PSME4: variants seen among roughly 807,000 people sequenced by gnomAD.
The protein encoded by PSME4 is proteasome activator subunit 4, also known as proteasome activator complex subunit 4.
A neutral mutation model predicts 253.9 loss-of-function variants in PSME4; 89 were observed. The ratio of observed to expected loss-of-function variants is 0.35; its 90% confidence interval spans 0.30 to 0.42. PSME4 has a LOEUF of 0.42. Ranked by LOEUF, PSME4 falls within the 10% of genes least tolerant of loss-of-function variation. PSME4 has a pLI of 1.00. For missense variants in PSME4, 2,014 were observed against 2,195.2 expected (o/e 0.92, Z 1.65); for synonymous variants, 851 against 759.2 (o/e 1.12, Z -1.99).
chr2:53,970,757 C>G lies in PSME4; in HGVS notation c.28G>C (p.Gly10Arg). The G allele has an allele frequency of 6.5e-7, 1 of 1,544,200 alleles. No individual in the cohort carries two copies. The highest frequency in any genetic ancestry group is 2.2e-4 in the Middle Eastern group (1 of 4,608). The change falls in exon 1 of 47, where the codon GGA (glycine) becomes CGA (arginine). Residue 10 changes from glycine to arginine, a missense_variant. This residue lies in a region of PSME4 where 615 missense variants were observed against 594.4 expected (regional missense o/e 1.03). Coordinates refer to ENST00000404125, the MANE Select transcript of PSME4 (RefSeq NM_014614.3). The stretch of plus-strand genomic sequence containing the variant: ...CGCCCGCCCGGCTCCGGGGGCTCTC[C>G]GACTCCCGCCCGCTCGGCCGGCTCC... MEPAERAGV[G>R]EPPEPGGRPE...
rs529748741 is a variant in PSME4 at position 53,925,581 on chromosome 2, C to T, written c.1767G>A (p.Thr589=). The T allele has an allele frequency of 9.4e-6, 15 of 1,601,918 alleles. No homozygotes were observed. The highest frequency in any genetic ancestry group is 1.7e-5 in the Admixed American group (1 of 59,870). The change falls in exon 14 of 47, where the codon ACG becomes ACA. Residue 589 remains threonine, a synonymous_variant. Coordinates refer to ENST00000404125, the MANE Select transcript of PSME4 (RefSeq NM_014614.3). ...ESLVELGLSS[T]FSTILTQCSK... is the part of the protein sequence containing the mutation. The stretch of plus-strand genomic sequence containing the variant: ...AACATTGGGTGAGGATTGTACTAAA[C>T]GTAGAAGACAGACCTAATTCGACCA...
chr2:53,943,956 G>C (rs805367), intron 3 of PSME4, among the ~76,000 whole-genome samples: 1 of 151,720 alleles, frequency 6.6e-6, no homozygotes, highest in African/African-American at 2.4e-5. Context: ...TATACTTTTA[G>C]GGCAAGGGTT....
At position 53,865,881 on chromosome 2, in the gene PSME4, T is replaced by C. The variant is rs1000128702; in HGVS notation, c.*4+204A>G. 7 of 561,734 alleles carry C rather than the reference T, an allele frequency of 1.2e-5. No homozygotes were observed. In the African/African-American group the frequency reaches 1.3e-4, roughly 11 times the overall value. 34.8% of individuals were successfully genotyped at this position (561,734 alleles called of 1,614,324 possible). ...TCCAAAAGCAGTCACACATTTTCTC[T>C]GCTTTAAACCTAAAGCAAGGAGGCA... is the stretch of plus-strand genomic sequence containing the variant. On this transcript the variant is annotated intron_variant, in intron 46 of 46. Coordinates refer to ENST00000404125, the MANE Select transcript of PSME4 (RefSeq NM_014614.3).
chr2:53,917,162 T>G (rs1668098338), intron 20 of PSME4: 2 of 152,640 alleles, frequency 1.3e-5, no homozygotes, highest in South Asian at 2.0e-4. Context: ...ACATTAAATT[T>G]TCACTCTAAA....
intron 14 of PSME4, 104 bp downstream of exon 14, chr2:53,925,435 A>T: frequency 9.3e-7 from 1 of 1,069,892 alleles, no homozygotes; most frequent in Non-Finnish European, 1.3e-6. Flanking sequence ...GTATGAATGT[A>T]AATGATAAAC....
chr2:53,865,775 C>T (rs938269640), intron 46 of PSME4: 5 of 245,274 alleles, frequency 2.0e-5, no homozygotes, highest in Admixed American at 5.3e-5. Context: ...ATGTCCCAGC[C>T]CCACCCAGGA....
chr2:53,880,069 G>A (rs186879289), intron 41 of PSME4, among the ~76,000 whole-genome samples: 12 of 152,252 alleles, frequency 7.9e-5, no homozygotes, highest in South Asian at 4.2e-4. Flanking sequence ...AAAATGGCAG[G>A]ACATCCATAG....
chr2:53,953,790 C>T (rs578223078), intron 1 of PSME4, among the ~76,000 whole-genome samples: 2 of 152,024 alleles, frequency 1.3e-5, no homozygotes, highest in African/African-American at 2.4e-5. Context: ...GGTTTTAGGA[C>T]TAATGATTAC....
chr2:53,959,386 A>C (rs540618519), intron 1 of PSME4, among the ~76,000 whole-genome samples: 94 of 152,148 alleles, frequency 6.2e-4, no homozygotes, highest in Non-Finnish European at 7.2e-4. Flanking sequence ...GGGGGAAAAA[A>C]AGCTGCTTAA....
chr2:53,883,598 T>G (rs909537387), intron 41 of PSME4, among the ~76,000 whole-genome samples: 8 of 152,248 alleles, frequency 5.3e-5, no homozygotes, highest in African/African-American at 1.9e-4. Flanking sequence ...GTTTTAAACT[T>G]TGGACAGTTG....
At chr2:53,918,747 A>T (rs1047849729) in intron 20 of PSME4, among the ~76,000 whole-genome samples, 1 of 152,248 alleles carries the variant, frequency 6.6e-6, no homozygotes, top group Admixed American at 6.5e-5. Flanking sequence ...ATTCAAAATC[A>T]TAATGAATAA....
intron 41 of PSME4, among the ~76,000 whole-genome samples, chr2:53,884,292 C>T (rs919218432): frequency 3.9e-5 from 6 of 152,112 alleles, no homozygotes; most frequent in Non-Finnish European, 5.9e-5. Context: ...CTCACTATAA[C>T]CTCCACCTCC....
At chr2:53,967,678 A>AAAAAAAAAAT in intron 1 of PSME4, among the ~76,000 whole-genome samples, 1 of 148,786 alleles carries the variant, frequency 6.7e-6, no homozygotes, top group Non-Finnish European at 1.5e-5. Context: ...AAAAAAAAAA[A>AAAAAAAAAAT]AGTCAAAAAG....
At chr2:53,881,102 A>G (rs1201295164) in intron 41 of PSME4, among the ~76,000 whole-genome samples, 1 of 152,240 alleles carries the variant, frequency 6.6e-6, no homozygotes, top group African/African-American at 2.4e-5. Flanking sequence ...AATCCAATAG[A>G]TAAATTTCAC....
chr2:53,884,799 T>C (rs915396848), intron 41 of PSME4, among the ~76,000 whole-genome samples: 4 of 152,226 alleles, frequency 2.6e-5, no homozygotes, highest in African/African-American at 4.8e-5. Context: ...TGTCTACTTT[T>C]ATACCCCAAA....
chr2:53,919,005 C>T (rs1037543303), intron 20 of PSME4, 146 bp downstream of exon 20: 13 of 688,882 alleles, frequency 1.9e-5, no homozygotes, highest in Non-Finnish European at 3.1e-5. Flanking sequence ...CTAAATTGTA[C>T]CTCTGGTATT....
chr2:53,941,984 AATAGGAAGTTAATT>A (rs1669476591), intron 3 of PSME4, among the ~76,000 whole-genome samples: 1 of 152,164 alleles, frequency 6.6e-6, no homozygotes, highest in Non-Finnish European at 1.5e-5. Context: ...GCTTCAGAAG[AATAGGAAGTTAATT>A]ATAACACTTG....
At chr2:53,941,458 T>G (rs758644831) in intron 3 of PSME4, among the ~76,000 whole-genome samples, 1 of 151,924 alleles carries the variant, frequency 6.6e-6, no homozygotes, top group Non-Finnish European at 1.5e-5. Context: ...GGCAAACTTC[T>G]ATCCAACTAC....
chr2:53,909,610 A>G (rs1667736357), intron 21 of PSME4, among the ~76,000 whole-genome samples: 1 of 152,202 alleles, frequency 6.6e-6, no homozygotes, highest in Non-Finnish European at 1.5e-5. Flanking sequence ...ACTACTGTAT[A>G]ATTAATATTC....
Sources: gnomAD v4.1 joint callset for allele counts (sites outside exome capture counted in the v4.1 genomes callset) on GRCh38, gnomAD v4.1.1 for gene constraint, gnomAD v4.1.1 regional missense constraint, MANE v1.5 for transcripts, NCBI Gene and HGNC (gene_info 2026-07-23, HGNC 2026-07-21) for gene names.